Variants in PDZD2 observed in about 807,000 individuals in gnomAD.
PDZD2 encodes PDZ domain-containing protein 2.
In PDZD2, 90 loss-of-function variants were observed where a neutral mutation model predicts 220.7. That is an observed-to-expected ratio of 0.41 (90% CI 0.34 to 0.49). PDZD2 has a LOEUF of 0.49. Ranked by LOEUF, PDZD2 falls within the 20% of genes least tolerant of loss-of-function variation. The probability of loss-of-function intolerance (pLI) is 0.28; values close to 1 mark genes in which losing one functional copy is unlikely to be tolerated. For synonymous variants in PDZD2, 1,375 were observed against 1,450.5 expected (o/e 0.95, Z 1.18); for missense variants, 3,174 against 3,608.5 (o/e 0.88, Z 3.08).
At chr5:31,905,901 A>G (rs974601914) in intron 2 of PDZD2, among the ~76,000 whole-genome samples, 1 of 151,948 alleles carries the variant, frequency 6.6e-6, no homozygotes, top group Non-Finnish European at 1.5e-5. Context: ...ACACATCACT[A>G]TTTTATATCA....
At chr5:31,706,887 C>T (rs1747851550) in intron 1 of PDZD2, among the ~76,000 whole-genome samples, 1 of 151,718 alleles carries the variant, frequency 6.6e-6, no homozygotes, top group Admixed American at 6.6e-5. Flanking sequence ...CTTCCTAGAC[C>T]TATAACCTCT....
chr5:31,889,394 A>G (rs1309080053), intron 2 of PDZD2, among the ~76,000 whole-genome samples: 1 of 152,186 alleles, frequency 6.6e-6, no homozygotes, highest in Non-Finnish European at 1.5e-5. Flanking sequence ...GTTTTGTTAA[A>G]TAGTTCAAGT....
At chr5:32,030,023 A>G (rs1236971995) in intron 6 of PDZD2, among the ~76,000 whole-genome samples, 1 of 152,236 alleles carries the variant, frequency 6.6e-6, no homozygotes, top group Non-Finnish European at 1.5e-5. Context: ...TCCTACTTCA[A>G]GTGCTTTCTG....
intron 2 of PDZD2, among the ~76,000 whole-genome samples, chr5:31,833,629 C>G (rs111312742): frequency 0.28 from 12,179 of 43,112 alleles, 639 homozygotes; most frequent in Middle Eastern, 0.43. Flanking sequence ...AAATGAGACC[C>G]TGTCTCAAAA....
intron 1 of PDZD2, among the ~76,000 whole-genome samples, chr5:31,710,930 A>G (rs1748069177): frequency 6.6e-6 from 1 of 152,158 alleles, no homozygotes; most frequent in Non-Finnish European, 1.5e-5. Flanking sequence ...GGCAGGGAGG[A>G]AGGCTTCATT....
At chr5:31,967,621 C>G (rs1319203198) in intron 2 of PDZD2, among the ~76,000 whole-genome samples, 1 of 152,152 alleles carries the variant, frequency 6.6e-6, no homozygotes, top group East Asian at 1.9e-4. Context: ...CCTCAGTTAT[C>G]CCTGGGCGTT....
intron 1 of PDZD2, chr5:31,712,241 C>G (rs1377340880): frequency 1.3e-5 from 2 of 152,220 alleles, no homozygotes; most frequent in South Asian, 4.1e-4. Flanking sequence ...CTGAAGAGAA[C>G]AGTTATTTTA....
chr5:31,692,320 G>A (rs1651063), intron 1 of PDZD2, among the ~76,000 whole-genome samples: 113,021 of 152,122 alleles, frequency 0.74, 42,679 homozygotes, highest in East Asian at 0.93. Context: ...CACCGGGCGC[G>A]GCCCCGGTTC....
At chr5:32,007,154 G>T (rs1480020058) in intron 5 of PDZD2, among the ~76,000 whole-genome samples, 1 of 151,516 alleles carries the variant, frequency 6.6e-6, no homozygotes. Context: ...TCCTGACCTC[G>T]TGATCCACCC....
At chr5:32,102,333 G>C (rs550775185) in intron 24 of PDZD2, among the ~76,000 whole-genome samples, 5 of 152,116 alleles carry the variant, frequency 3.3e-5, no homozygotes, top group African/African-American at 1.2e-4. Context: ...ACCCCTGTGG[G>C]CAGCCAGAGC....
In PDZD2 at chr5:32,110,534, G is replaced by GGTATT. The variant is rs1378127805; in HGVS notation, c.*2402_*2406dup. The stretch of plus-strand genomic sequence containing the variant: ...CACACTTTCTGAAGTGAACACTAAT[G>GGTATT]GTATTGTCCTACTAAAACTGTCATT... On this transcript the variant is annotated 3_prime_UTR_variant, in exon 25 of 25. Coordinates refer to ENST00000438447, the MANE Select transcript of PDZD2 (RefSeq NM_178140.4). 1 of 152,520 alleles carries GGTATT rather than the reference G, an allele frequency of 6.6e-6. No individual in the cohort carries two copies. The highest frequency in any genetic ancestry group is 1.5e-5 in the Non-Finnish European group (1 of 68,024). 9.4% of individuals were successfully genotyped at this position (152,520 alleles called of 1,614,324 possible).
chr5:31,667,855 C>CTTTTTTTTT (rs561833214), intron 1 of PDZD2, among the ~76,000 whole-genome samples: 6 of 77,968 alleles, frequency 7.7e-5, no homozygotes, highest in Non-Finnish European at 8.8e-5. Context: ...TTTTTTTTTC[C>CTTTTTTTTT]TTTTTTTTTT....
At chr5:31,873,582 A>AT (rs1739031028) in intron 2 of PDZD2, among the ~76,000 whole-genome samples, 1 of 122,526 alleles carries the variant, frequency 8.2e-6, no homozygotes, top group Non-Finnish European at 1.9e-5. Context: ...TATTTATTTA[A>AT]TAAAGCCAGG....
intron 2 of PDZD2, among the ~76,000 whole-genome samples, chr5:31,979,763 G>A (rs1750132436): frequency 6.6e-6 from 1 of 152,102 alleles, no homozygotes; most frequent in African/African-American, 2.4e-5. Context: ...TTACAGATGA[G>A]GAAACTAAAG....
intron 1 of PDZD2, chr5:31,664,781 C>T (rs1298141562): frequency 1.3e-5 from 2 of 152,234 alleles, no homozygotes; most frequent in Middle Eastern, 3.2e-3. Context: ...CTCTCCTCCA[C>T]ATGGTGATTC....
At chr5:31,946,903 G>A (rs1581137808) in intron 2 of PDZD2, among the ~76,000 whole-genome samples, 3 of 152,088 alleles carry the variant, frequency 2.0e-5, no homozygotes, top group South Asian at 2.1e-4. Flanking sequence ...GGGTCTTAAC[G>A]ACATTGCCCA....
At chr5:31,973,608 C>T (rs1749495750) in intron 2 of PDZD2, among the ~76,000 whole-genome samples, 1 of 152,216 alleles carries the variant, frequency 6.6e-6, no homozygotes, top group Non-Finnish European at 1.5e-5. Context: ...ACAAATGTAG[C>T]TGCTGCCTTA....
At chr5:31,822,225 T>G (rs1755917622) in intron 2 of PDZD2, among the ~76,000 whole-genome samples, 1 of 151,974 alleles carries the variant, frequency 6.6e-6, no homozygotes, top group African/African-American at 2.4e-5. Flanking sequence ...TGGGATGATT[T>G]ATTATGATTT....
intron 1 of PDZD2, among the ~76,000 whole-genome samples, chr5:31,657,983 T>C (rs1465002000): frequency 1.3e-5 from 2 of 152,230 alleles, no homozygotes; most frequent in East Asian, 3.8e-4. Flanking sequence ...TCTTTTTTCC[T>C]TTAGTTGCCC....
Sources: gnomAD v4.1 joint callset for allele counts (sites outside exome capture counted in the v4.1 genomes callset) on GRCh38, gnomAD v4.1.1 for gene constraint, MANE v1.5 for transcripts, NCBI Gene and HGNC (gene_info 2026-07-23, HGNC 2026-07-21) for gene names.